KCNN3: variants seen among roughly 807,000 people sequenced by gnomAD.
The protein encoded by KCNN3 is potassium calcium-activated channel subfamily N member 3.
Under a neutral mutation model 62.9 loss-of-function variants are expected in KCNN3, and 16 were observed. The ratio of observed to expected loss-of-function variants is 0.25; its 90% CI spans 0.17 to 0.39. The LOEUF (loss-of-function observed/expected upper bound fraction) is 0.39, where lower values mean the gene tolerates loss of function less well. KCNN3 is among the 10% of genes least tolerant of loss of function. The pLI is 1.00. For synonymous variants in KCNN3, 370 were observed against 389.2 expected, an observed-to-expected ratio of 0.95 and a Z score of 0.58; for missense variants, 599 against 949.4, an observed-to-expected ratio of 0.63 and a Z score of 4.85.
intron 5 of KCNN3, among the ~76,000 whole-genome samples, chr1:154,719,768 G>C (rs1700307120): frequency 6.6e-6 from 1 of 152,054 alleles, no homozygotes; most frequent in Admixed American, 6.5e-5. Context: ...ACTTGCTCTG[G>C]CTTCCCCGGC....
At chr1:154,848,457 G>T (rs1487784995) in intron 1 of KCNN3, among the ~76,000 whole-genome samples, 1 of 152,084 alleles carries the variant, frequency 6.6e-6, no homozygotes, top group Non-Finnish European at 1.5e-5. Flanking sequence ...CCATGCTGTG[G>T]CTGGAGCACA....
rs1365901675 is a variant in KCNN3, at chr1:154,772,762, T to C, written c.1030-369A>G. ...TCCAAAGTGATAAGTGTCATTTGTA[T>C]GCTAATGAGATGACTAGTGGCTGGG... On this transcript the variant is annotated intron_variant, in intron 2 of 7. Coordinates refer to ENST00000271915, the MANE Select transcript of KCNN3 (RefSeq NM_002249.6). The surrounding 1 kb of genome is among the most constrained non-coding windows in gnomAD (Gnocchi z 5.6). Among the ~76,000 whole-genome samples, 1 of 152,116 alleles carries C rather than the reference T, an allele frequency of 6.6e-6. No individual in the cohort carries two copies. The highest frequency in any genetic ancestry group is 1.5e-5 in the Non-Finnish European group (1 of 68,022).
intron 3 of KCNN3, among the ~76,000 whole-genome samples, chr1:154,747,923 C>G (rs530937089): frequency 6.6e-6 from 1 of 152,172 alleles, no homozygotes; most frequent in South Asian, 2.1e-4. Flanking sequence ...CCCCTTAGGC[C>G]TAGGAAATCA....
At chr1:154,779,770 C>G (rs1474878279) in intron 2 of KCNN3, among the ~76,000 whole-genome samples, 2 of 152,176 alleles carry the variant, frequency 1.3e-5, no homozygotes, top group African/African-American at 2.4e-5. Context: ...AAGAGGTCAG[C>G]ATGGCATTCC....
At chr1:154,709,607 T>C (rs1700032906) in intron 7 of KCNN3, among the ~76,000 whole-genome samples, 1 of 151,904 alleles carries the variant, frequency 6.6e-6, no homozygotes, top group African/African-American at 2.4e-5. Context: ...ACAGGCCCCA[T>C]GAGGAAATTC....
At position 154,721,312 on chromosome 1, in the gene KCNN3, T is replaced by C. The variant is rs1455924778; in HGVS notation, c.1701+4604A>G. Reference sequence around the variant, plus strand: ...TTTCTTTTTCTTTCCTTTTTTTTTTTTTTTTGAGATGGAGTCTCACTCTGT... The same window carrying C: ...TTTCTTTTTCTTTCCTTTTTTTTTTCTTTTTGAGATGGAGTCTCACTCTGT... On this transcript the variant is annotated intron_variant, in intron 5 of 7. Coordinates refer to ENST00000271915, the MANE Select transcript of KCNN3 (RefSeq NM_002249.6). Among the ~76,000 whole-genome samples the C allele has an allele frequency of 2.7e-5, 4 of 149,704 alleles. No homozygotes were observed. In the East Asian group the frequency reaches 7.8e-4, roughly 29 times the overall value.
intron 2 of KCNN3, among the ~76,000 whole-genome samples, chr1:154,773,583 A>T (rs1240696632): frequency 6.6e-6 from 1 of 152,178 alleles, no homozygotes; most frequent in African/African-American, 2.4e-5. Flanking sequence ...GCGGACAATC[A>T]GGCTTGAGTT....
At chr1:154,762,106 A>C (rs1460412589) in intron 3 of KCNN3, among the ~76,000 whole-genome samples, 1 of 152,186 alleles carries the variant, frequency 6.6e-6, no homozygotes, top group Admixed American at 6.5e-5. Context: ...ATTCTTTTCT[A>C]TTATAAACTG....
rs981349381 is a variant in KCNN3, at chr1:154,697,901, T to C, written c.*10075A>G. ...AGTTTTCTATGGCCCAATTTTCCCA[T>C]TGGAATAATGGGAATAATATGTCAT... On this transcript the variant is annotated 3_prime_UTR_variant, in exon 8 of 8. Coordinates refer to ENST00000271915, the MANE Select transcript of KCNN3 (RefSeq NM_002249.6). 2 of 152,208 alleles carry C rather than the reference T, an allele frequency of 1.3e-5. No individual in the cohort carries two copies. The highest frequency in any genetic ancestry group is 6.5e-5 in the Admixed American group (1 of 15,284). 9.4% of individuals were successfully genotyped at this position (152,208 alleles called of 1,614,324 possible).
Position 154,801,928 on chromosome 1 carries a change from A to G in KCNN3, c.1029+20161T>C, listed in dbSNP as rs535561746. Among the ~76,000 whole-genome samples the G allele has an allele frequency of 9.0e-4, 137 of 152,342 alleles. 1 individual carries two copies. Among genetic ancestry groups the G allele is most frequent in the African/African-American group, 3.2e-3 (133 of 41,576 alleles). On this transcript the variant is annotated intron_variant, in intron 2 of 7. Coordinates refer to ENST00000271915, the MANE Select transcript of KCNN3 (RefSeq NM_002249.6). ...GTGGGCATGCAGGCAGCAGAAGAGG[A>G]AGGGGCCAACCCACAAGAGCAAGGG...
intron 2 of KCNN3, among the ~76,000 whole-genome samples, chr1:154,819,496 G>A (rs1016231943): frequency 1.3e-5 from 2 of 152,186 alleles, no homozygotes; most frequent in African/African-American, 4.8e-5. Context: ...ACACCCAACA[G>A]AAAACTACAA....
At chr1:154,783,199 C>T (rs1305353901) in intron 2 of KCNN3, among the ~76,000 whole-genome samples, 2 of 138,218 alleles carry the variant, frequency 1.4e-5, no homozygotes, top group Non-Finnish European at 3.1e-5. Flanking sequence ...GGTGACAGAA[C>T]GAGACTCCAT....
intron 1 of KCNN3, among the ~76,000 whole-genome samples, chr1:154,838,150 C>G (rs1362641906): frequency 6.6e-6 from 1 of 152,110 alleles, no homozygotes; most frequent in Non-Finnish European, 1.5e-5. Context: ...GGGGGCCAAA[C>G]AGGAAGGCGG....
intron 1 of KCNN3, among the ~76,000 whole-genome samples, chr1:154,832,263 A>G (rs914698679): frequency 2.4e-4 from 37 of 151,530 alleles, no homozygotes; most frequent in African/African-American, 8.7e-4. Context: ...TAGCAATTAC[A>G]TTACTCTTGT....
intron 2 of KCNN3, among the ~76,000 whole-genome samples, chr1:154,798,859 C>T (rs566637656): frequency 2.6e-5 from 4 of 152,054 alleles, no homozygotes; most frequent in African/African-American, 9.6e-5. Context: ...TGTGGGCAGA[C>T]TGGTGAGACC....
At chr1:154,810,469 G>A (rs1650358910) in intron 2 of KCNN3, among the ~76,000 whole-genome samples, 2 of 152,216 alleles carry the variant, frequency 1.3e-5, no homozygotes, top group Non-Finnish European at 2.9e-5. Flanking sequence ...GGGATCAGAA[G>A]GCAAGGCAGA....
intron 7 of KCNN3, among the ~76,000 whole-genome samples, chr1:154,710,683 G>C (rs564047035): frequency 6.6e-6 from 1 of 152,140 alleles, no homozygotes; most frequent in Non-Finnish European, 1.5e-5. Context: ...GTGGGCGAAG[G>C]ATATGAACAG....
intron 1 of KCNN3, among the ~76,000 whole-genome samples, chr1:154,854,688 A>G (rs1652445776): frequency 1.3e-5 from 2 of 152,376 alleles, no homozygotes; most frequent in Non-Finnish European, 2.9e-5. Flanking sequence ...AATGGAGCTG[A>G]AAAATTCCTA....
At chr1:154,842,572 G>A (rs1451204738) in intron 1 of KCNN3, among the ~76,000 whole-genome samples, 15 of 151,850 alleles carry the variant, frequency 9.9e-5, no homozygotes, top group Non-Finnish European at 5.9e-5. Context: ...AGCCTCCACT[G>A]GCTGCTTCCC....
Sources: gnomAD v4.1 joint callset for allele counts (sites outside exome capture counted in the v4.1 genomes callset) on GRCh38, gnomAD v4.1.1 for gene constraint, Gnocchi (gnomAD v3.1) non-coding constraint, MANE v1.5 for transcripts, NCBI Gene and HGNC (gene_info 2026-07-23, HGNC 2026-07-21) for gene names.